The following ARHGEF18 variants were observed in gnomAD, a reference collection of about 807,000 sequenced individuals.
ARHGEF18 encodes rho guanine nucleotide exchange factor 18.
Under a neutral mutation model 155.7 loss-of-function variants are expected in ARHGEF18, and 93 were observed. The ratio of observed to expected loss-of-function variants is 0.60; its 90% CI spans 0.50 to 0.71. The LOEUF (loss-of-function observed/expected upper bound fraction) is 0.71. Among genes scored for constraint, ARHGEF18 ranks in the 30% least tolerant of loss-of-function variants. The pLI, the probability that ARHGEF18 is intolerant of heterozygous loss-of-function variation, is 0.00. For synonymous variants in ARHGEF18, 742 were observed against 753.1 expected, an observed-to-expected ratio of 0.99 and a Z score of 0.24; for missense variants, 1,593 against 1,816.1, an observed-to-expected ratio of 0.88 and a Z score of 2.23.
chr19:7,463,872 C>A lies in ARHGEF18; in HGVS notation c.2690C>A (p.Ala897Glu). ...CAGCTGGGCAGCGCCAACGGCCAGG[C>A]GGAAGACGGAGGCAGCTCCACAGGC... ...CRQLGSANGQ[A>E]EDGGSSTGPP... The change falls in exon 22 of 29, where the codon GCG becomes GAG. Residue 897 changes from alanine to glutamate, a missense_variant. Transcript: ENST00000668164. This position sits in a 1 kb window ranked among gnomAD's most constrained non-coding sequence, Gnocchi z 5.2. The A allele has an allele frequency of 6.2e-7, 1 of 1,603,422 alleles. No homozygotes were observed. Among genetic ancestry groups the A allele is most frequent in the South Asian group, 1.1e-5 (1 of 89,214 alleles).
In ARHGEF18 at chr19:7,462,399, G is replaced by A; in HGVS notation, c.2635+65G>A. The A allele has an allele frequency of 6.8e-7, 1 of 1,480,124 alleles. No individual in the cohort carries two copies. Among genetic ancestry groups the A allele is most frequent in the Non-Finnish European group, 9.0e-7 (1 of 1,116,222 alleles). The allele number at this position is 1,480,124 out of a possible 1,614,324, so 91.7% of individuals were successfully genotyped here. On this transcript the variant is annotated intron_variant, in intron 21 of 28. Coordinates refer to ENST00000668164, the MANE Select transcript of ARHGEF18 (RefSeq NM_001367823.1). The surrounding 1 kb of genome is among the most constrained non-coding windows in gnomAD (Gnocchi z 4.4). ...GGGGTGGGCTCCTCAGGGAACCCCA[G>A]GCCAGGCTCACGGCTCATTGTGGCC...
chr19:7,459,869 A>G, intron 19 of ARHGEF18, 34 bp from the exon 20 acceptor site: 3 of 1,539,828 alleles, frequency 1.9e-6, no homozygotes, highest in Non-Finnish European at 2.6e-6. Flanking sequence ...CTGCCTGGGA[A>G]GCACAGTTAC....
chr19:7,386,280 G>A (rs1432223815), intron 10 of ARHGEF18, among the ~76,000 whole-genome samples: 1 of 148,902 alleles, frequency 6.7e-6, no homozygotes, highest in East Asian at 2.0e-4. Context: ...AGTTAGAAAA[G>A]GAGACAGAGT....
At chr19:7,422,920 T>C (rs1419898597) in intron 10 of ARHGEF18, among the ~76,000 whole-genome samples, 1 of 152,070 alleles carries the variant, frequency 6.6e-6, no homozygotes, top group Non-Finnish European at 1.5e-5. Context: ...GGTTTCACCA[T>C]GTTGGCCAGG....
At chr19:7,417,994 A>G (rs1484565877) in intron 10 of ARHGEF18, among the ~76,000 whole-genome samples, 3 of 152,216 alleles carry the variant, frequency 2.0e-5, no homozygotes, top group Non-Finnish European at 2.9e-5. Flanking sequence ...CCCTGGGGCC[A>G]TAGTTTGCCG....
rs1600565585 is a variant in ARHGEF18, at chr19:7,471,048, C to T, written c.*750C>T. On this transcript the variant is annotated 3_prime_UTR_variant, in exon 29 of 29. Coordinates refer to ENST00000668164, the MANE Select transcript of ARHGEF18 (RefSeq NM_001367823.1). This position sits in a 1 kb window ranked among gnomAD's most constrained non-coding sequence, Gnocchi z 4.4. ...TTTGAAACCAGCTGTTTCCCAAACT[C>T]TGCTTCCCAAGGGCAACCGTTGCTG... The T allele has an allele frequency of 2.7e-6, 1 of 375,708 alleles. No homozygotes were observed. The highest frequency in any genetic ancestry group is 3.8e-5 in the East Asian group (1 of 26,212). 23.3% of individuals were successfully genotyped at this position (375,708 alleles called of 1,614,324 possible).
At chr19:7,447,668 C>G (rs982305601) in intron 15 of ARHGEF18, among the ~76,000 whole-genome samples, 3 of 152,070 alleles carry the variant, frequency 2.0e-5, no homozygotes, top group African/African-American at 4.8e-5. Flanking sequence ...ATTCAGAACA[C>G]GTCAGTGAAA....
At chr19:7,361,589 G>T (rs911318901) in intron 1 of ARHGEF18, among the ~76,000 whole-genome samples, 2 of 152,170 alleles carry the variant, frequency 1.3e-5, no homozygotes, top group African/African-American at 4.8e-5. Context: ...TCATGGCAGC[G>T]TGATTTGAAA....
At chr19:7,394,688 C>G (rs1033273461) in intron 10 of ARHGEF18, among the ~76,000 whole-genome samples, 13 of 151,648 alleles carry the variant, frequency 8.6e-5, no homozygotes, top group Non-Finnish European at 1.8e-4. Flanking sequence ...GTGCTGTACC[C>G]CCCTTGAGAT....
intron 10 of ARHGEF18, among the ~76,000 whole-genome samples, chr19:7,393,889 G>A (rs1003019153): frequency 6.6e-6 from 1 of 150,408 alleles, no homozygotes; most frequent in Non-Finnish European, 1.5e-5. Flanking sequence ...TTGGGTATCT[G>A]ATGGCACCTG....
At chr19:7,447,317 C>T (rs1600476412) in intron 15 of ARHGEF18, 149 bp downstream of exon 15, 15 of 645,814 alleles carry the variant, frequency 2.3e-5, no homozygotes, top group South Asian at 2.0e-4. Flanking sequence ...GGTGAAACCC[C>T]GTCTCTATTA....
rs1568270352 is a variant in ARHGEF18, at chr19:7,367,882, A to ACACATATATAT, written c.16-4930_16-4929insCACATATATAT. On this transcript the variant is annotated intron_variant, in intron 2 of 28. Transcript: ENST00000668164. Reference sequence around the variant, plus strand: ...CACATATATATTTTTATATATATATATTTTATATATATTTTTTATATATAT... The same window carrying ACACATATATAT: ...CACATATATATTTTTATATATATATACACATATATATTTTTATATATATTTTTTATATATAT... Among the ~76,000 whole-genome samples, 90 of 39,800 alleles carry ACACATATATAT rather than the reference A, an allele frequency of 2.3e-3. 14 individuals are homozygous for ACACATATATAT. The highest frequency in any genetic ancestry group is 3.7e-3 in the African/African-American group (18 of 4,888). The allele number at this position is 39,800 out of a possible 152,430, so 26.1% of individuals were successfully genotyped here.
intron 10 of ARHGEF18, among the ~76,000 whole-genome samples, chr19:7,433,507 C>CAAAAAAA (rs35825715): frequency 1.7e-5 from 1 of 58,282 alleles, no homozygotes; most frequent in African/African-American, 7.0e-5. Flanking sequence ...ACTCCGTCTC[C>CAAAAAAA]AAAAAAAAAA....
At chr19:7,406,890 T>TA (rs544382506) in intron 10 of ARHGEF18, among the ~76,000 whole-genome samples, 4,390 of 145,544 alleles carry the variant, frequency 0.03, 93 homozygotes, top group South Asian at 0.08. Flanking sequence ...CCGTCTCTAC[T>TA]AAAAAAAAAC....
At chr19:7,363,993 GAGGAAGGA>G (rs766146425) in intron 2 of ARHGEF18, among the ~76,000 whole-genome samples, 1 of 149,444 alleles carries the variant, frequency 6.7e-6, no homozygotes, top group African/African-American at 2.5e-5. Context: ...AGAAGGGTGA[GAGGAAGGA>G]AGGAAGGAAG....
At chr19:7,380,874 A>G in intron 7 of ARHGEF18, 43 bp from the exon 8 acceptor site, 1 of 1,210,870 alleles carries the variant, frequency 8.3e-7, no homozygotes, top group Non-Finnish European at 1.0e-6. Context: ...TGAGTGGGAG[A>G]AGAGGCTGCC....
At chr19:7,357,470 G>A (rs1188772614) in intron 1 of ARHGEF18, among the ~76,000 whole-genome samples, 1 of 152,168 alleles carries the variant, frequency 6.6e-6, no homozygotes, top group African/African-American at 2.4e-5. Flanking sequence ...ATGCTGTGGG[G>A]GCTGATAGTG....
chr19:7,382,712 T>C (rs1970805371), intron 8 of ARHGEF18, 80 bp from the exon 9 acceptor site: 1 of 1,035,076 alleles, frequency 9.7e-7, no homozygotes, highest in Admixed American at 4.3e-5. Flanking sequence ...AGGTTGCAGG[T>C]GGATTCCTGA....
chr19:7,476,892 T>G, downstream of ARHGEF18: 1 of 344,276 alleles, frequency 2.9e-6, no homozygotes, highest in East Asian at 4.5e-5. Context: ...CCACAATGTT[T>G]AATTGATTCC....
Sources: gnomAD v4.1 joint callset for allele counts (sites outside exome capture counted in the v4.1 genomes callset) on GRCh38, gnomAD v4.1.1 for gene constraint, Gnocchi (gnomAD v3.1) non-coding constraint, MANE v1.5 for transcripts, NCBI Gene and HGNC (gene_info 2026-07-23, HGNC 2026-07-21) for gene names.